DHX36: variants seen among roughly 807,000 people sequenced by gnomAD.
DHX36 encodes the protein ATP-dependent DNA/RNA helicase DHX36.
A neutral mutation model predicts 139.0 loss-of-function variants in DHX36; 50 were observed. That is an observed-to-expected ratio of 0.36 (90% CI 0.29 to 0.46). DHX36 has a LOEUF of 0.46. DHX36 is among the 20% of genes least tolerant of loss of function. The pLI is 1.00. For synonymous variants in DHX36, 425 were observed against 401.9 expected, an observed-to-expected ratio of 1.06 and a Z score of -0.69; for missense variants, 1,024 against 1,211.3, an observed-to-expected ratio of 0.85 and a Z score of 2.29.
chr3:154,308,384 C>A (rs750453114), intron 5 of DHX36, among the ~76,000 whole-genome samples: 19 of 152,148 alleles, frequency 1.2e-4, no homozygotes, highest in Non-Finnish European at 2.6e-4. Context: ...ATAAGCAGCA[C>A]TGCCATAAAA....
At position 154,274,970 on chromosome 3, in the gene DHX36, G is replaced by C. The variant is rs1244642473; in HGVS notation, c.*1201C>G. The C allele has an allele frequency of 6.6e-6, 1 of 152,206 alleles. No homozygotes were observed. The highest frequency in any genetic ancestry group is 1.5e-5 in the Non-Finnish European group (1 of 68,044). The allele number at this position is 152,206 out of a possible 1,614,324, so 9.4% of individuals were successfully genotyped here. On this transcript the variant is annotated 3_prime_UTR_variant, in exon 25 of 25. Coordinates refer to ENST00000496811, the MANE Select transcript of DHX36 (RefSeq NM_020865.3). Reference sequence around the variant, plus strand: ...AAGATAAGTAGCAATAAAATAAAAAGTGTAATATAATAGATTGTTAGACAT... The same window carrying C: ...AAGATAAGTAGCAATAAAATAAAAACTGTAATATAATAGATTGTTAGACAT...
rs1399763825 is a variant in DHX36 at position 154,306,258 on chromosome 3, C to A, written c.851G>T (p.Cys284Phe). 3.1e-6 allele frequency: 5 copies of A among 1,613,750 alleles called. No individual in the cohort carries two copies. In the South Asian group the frequency reaches 5.5e-5, roughly 18 times the overall value. Residue 284 changes from cysteine to phenylalanine, a missense_variant, in exon 6 of 25, where the codon TGT becomes TTT. Physicochemically the swap from Cys to Phe is radical, Grantham distance 205. Coordinates refer to ENST00000496811, the MANE Select transcript of DHX36 (RefSeq NM_020865.3). ...ERVAAERAES[C>F]GSGNSTGYQI... ...ATATCCAGTACTATTACCACTGCCA[C>A]AAGATTCTGCCCTTTCTGCAGCTAC...
intron 5 of DHX36, among the ~76,000 whole-genome samples, chr3:154,309,060 T>C (rs985898024): frequency 1.4e-4 from 21 of 152,000 alleles, no homozygotes; most frequent in African/African-American, 5.1e-4. Flanking sequence ...TGGTAGCACA[T>C]GCCTATAGTA....
intron 15 of DHX36, among the ~76,000 whole-genome samples, chr3:154,291,134 C>CAAAAAAAAAAAA (rs71152798): frequency 9.8e-5 from 6 of 61,050 alleles, no homozygotes; most frequent in African/African-American, 3.4e-4. Context: ...GACTCCGTCT[C>CAAAAAAAAAAAA]AAAAAAAAAA....
chr3:154,280,119 A>G (rs1719285797), intron 22 of DHX36: 1 of 153,206 alleles, frequency 6.5e-6, no homozygotes, highest in African/African-American at 2.4e-5. Flanking sequence ...ATTCTAGCTC[A>G]TGCTTCACTG....
chr3:154,309,506 T>A, intron 5 of DHX36, 147 bp downstream of exon 5: 1 of 569,376 alleles, frequency 1.8e-6, no homozygotes, highest in Non-Finnish European at 2.7e-6. Flanking sequence ...TTTTGGGCTT[T>A]ATTATTAAAC....
chr3:154,284,843 T>C lies in DHX36; in HGVS notation c.2176A>G (p.Ser726Gly), dbSNP rs1443734599. Residue 726 changes from serine (S) to glycine (G), a missense_variant, in exon 18 of 25, where the codon AGT (serine) becomes GGT (glycine). Physicochemically the swap from Ser to Gly is moderately conservative, Grantham distance 56. Coordinates refer to ENST00000496811, the MANE Select transcript of DHX36 (RefSeq NM_020865.3). ...GGAATGACAAATGGATCTTTGAAAC[T>C]GAGACTAGCAGCAATAGTGAGTACT... ...DPVLTIAASLSFKDPFVIPLG... is the reference protein window; with the variant it reads ...DPVLTIAASLGFKDPFVIPLG... The C allele has an allele frequency of 6.2e-7, 1 of 1,613,622 alleles. No homozygotes were observed. Among genetic ancestry groups the C allele is most frequent in the Non-Finnish European group, 8.5e-7 (1 of 1,179,852 alleles).
chr3:154,314,987 A>T, intron 3 of DHX36, 59 bp downstream of exon 3: 1 of 1,200,254 alleles, frequency 8.3e-7, no homozygotes, highest in Non-Finnish European at 1.2e-6. Flanking sequence ...AACCATACAT[A>T]CATTTTTATA....
rs145112966 is a variant in DHX36, at chr3:154,322,058, T to C, written c.243+2116A>G. On this transcript the variant is annotated intron_variant, in intron 1 of 24. Transcript: ENST00000496811. ...TCAAAGAAGAGCTGGGACGAGCCCA[T>C]TGAAAAATACTCCTATTTAAACAAG... Among the ~76,000 whole-genome samples the C allele has an allele frequency of 7.2e-3, 1,089 of 152,262 alleles. 9 individuals are homozygous for C. Among genetic ancestry groups the C allele is most frequent in the African/African-American group, 0.024 (1,016 of 41,536 alleles).
rs775633150 is a variant in DHX36, at chr3:154,311,706, A to G, written c.604-32T>C. The G allele has an allele frequency of 9.0e-5, 139 of 1,541,360 alleles. 1 individual carries two copies. The highest frequency in any genetic ancestry group is 3.0e-4 in the Admixed American group (16 of 53,358). ...TTTAAAAAAAGTTTTAAATTTTCAC[A>G]GAAGATATGTAATCAAATTATAATC... is the stretch of plus-strand genomic sequence containing the variant. On this transcript the variant is annotated intron_variant, in intron 3 of 24. Transcript: ENST00000496811.
In DHX36 at chr3:154,289,614, T is replaced by C. The variant is rs114233358; in HGVS notation, c.1932+95A>G. 1,749 of 747,412 alleles carry C rather than the reference T, an allele frequency of 2.3e-3. 11 individuals carry two copies. The highest frequency in any genetic ancestry group is 9.3e-3 in the South Asian group (524 of 56,624). The allele number at this position is 747,412 out of a possible 1,614,324, so 46.3% of individuals were successfully genotyped here. A position where few individuals can be genotyped will look rare whatever the true frequency, so the allele number is the denominator to read the frequency against. On this transcript the variant is annotated intron_variant, in intron 16 of 24. Coordinates refer to ENST00000496811, the MANE Select transcript of DHX36 (RefSeq NM_020865.3). ...ATGAAATAAATTGTGAGTTAATAAT[T>C]GTTTCTTGGAGATTAATACAGTACT...
At chr3:154,297,132 A>G (rs1296893852) in intron 12 of DHX36, among the ~76,000 whole-genome samples, 1 of 152,134 alleles carries the variant, frequency 6.6e-6, no homozygotes, top group African/African-American at 2.4e-5. Flanking sequence ...AGTGGAGGGG[A>G]GCAATGTTCT....
chr3:154,322,230 C>T (rs1473024244), intron 1 of DHX36, among the ~76,000 whole-genome samples: 1 of 152,112 alleles, frequency 6.6e-6, no homozygotes, highest in Non-Finnish European at 1.5e-5. Context: ...TACGTTGAAG[C>T]CGTATTACCA....
chr3:154,310,706 A>G (rs1712698319), intron 4 of DHX36, among the ~76,000 whole-genome samples: 1 of 137,424 alleles, frequency 7.3e-6, no homozygotes, highest in Non-Finnish European at 1.5e-5. Context: ...TGAACCCGAG[A>G]GTCGGGAGTT....
chr3:154,301,426 A>G (rs1712273569), intron 9 of DHX36, among the ~76,000 whole-genome samples: 2 of 152,186 alleles, frequency 1.3e-5, no homozygotes, highest in Admixed American at 6.5e-5. Context: ...TTTGCTTTAG[A>G]ACAAAAGTTA....
intron 3 of DHX36, among the ~76,000 whole-genome samples, chr3:154,314,104 T>G (rs1460274486): frequency 1.3e-5 from 2 of 152,124 alleles, no homozygotes; most frequent in African/African-American, 2.4e-5. Context: ...AGACACTAAT[T>G]CCTCCTGTTA....
At chr3:154,287,869 T>C (rs1260557349) in intron 17 of DHX36, among the ~76,000 whole-genome samples, 1 of 151,982 alleles carries the variant, frequency 6.6e-6, no homozygotes, top group African/African-American at 2.4e-5. Context: ...AAAACTTCAA[T>C]GACAGTCATA....
chr3:154,299,258 C>T (rs551860907), intron 12 of DHX36, among the ~76,000 whole-genome samples: 143 of 152,102 alleles, frequency 9.4e-4, no homozygotes, highest in African/African-American at 3.3e-3. Context: ...GGCAACAGAG[C>T]GAGACTCCAT....
chr3:154,297,889 A>G (rs2108349213), intron 12 of DHX36, among the ~76,000 whole-genome samples: 1 of 152,292 alleles, frequency 6.6e-6, no homozygotes, highest in Non-Finnish European at 1.5e-5. Context: ...AACAAAATCT[A>G]TACTCTTATG....
Sources: gnomAD v4.1 joint callset for allele counts (sites outside exome capture counted in the v4.1 genomes callset) on GRCh38, gnomAD v4.1.1 for gene constraint, MANE v1.5 for transcripts, NCBI Gene and HGNC (gene_info 2026-07-23, HGNC 2026-07-21) for gene names.